Variants in VWA8 observed in about 807,000 individuals in gnomAD.
The protein encoded by VWA8 is von Willebrand factor A domain-containing protein 8.
In VWA8, 221 loss-of-function variants were observed where a neutral mutation model predicts 241.5. That is an observed-to-expected ratio of 0.91 (90% CI 0.82 to 1.02). VWA8 has a LOEUF of 1.02. Among genes scored for constraint, VWA8 ranks in the 50% least tolerant of loss-of-function variants. The probability of loss-of-function intolerance (pLI) is 0.00; values close to 1 mark genes in which losing one functional copy is unlikely to be tolerated. For synonymous variants in VWA8, 852 were observed against 827.1 expected (o/e 1.03, Z -0.52); for missense variants, 2,322 against 2,328.7 (o/e 1.00, Z 0.06).
At chr13:41,885,642 C>T (rs1000586655) in intron 8 of VWA8, among the ~76,000 whole-genome samples, 1 of 152,192 alleles carries the variant, frequency 6.6e-6, no homozygotes, top group Non-Finnish European at 1.5e-5. Context: ...CTGCAGCACA[C>T]CTCTTACTTG....
chr13:41,589,420 C>T (rs2044440194), intron 41 of VWA8, among the ~76,000 whole-genome samples: 1 of 149,528 alleles, frequency 6.7e-6, no homozygotes, highest in Non-Finnish European at 1.5e-5. Context: ...GCTTAATAGA[C>T]ACACCAGGTG....
intron 12 of VWA8, among the ~76,000 whole-genome samples, chr13:41,838,639 T>C (rs73185310): frequency 0.012 from 1,871 of 152,194 alleles, 13 homozygotes; most frequent in East Asian, 0.021. Flanking sequence ...CAAGGAAAAC[T>C]AAACAAGGAA....
At chr13:41,695,315 A>G (rs1298232331) in intron 29 of VWA8, among the ~76,000 whole-genome samples, 1 of 152,058 alleles carries the variant, frequency 6.6e-6, no homozygotes, top group Non-Finnish European at 1.5e-5. Flanking sequence ...CTTACTTAAG[A>G]TTTTATTTTA....
In VWA8 at chr13:41,919,555, G is replaced by A. The variant is rs558814732; in HGVS notation, c.242-7387C>T. ...TCCTGGAGGCTTTGCCATCACTGCAGCACAGCTACCTGGTAGCCCCCAATC... is the reference window on the plus strand; with the variant it reads ...TCCTGGAGGCTTTGCCATCACTGCAACACAGCTACCTGGTAGCCCCCAATC... On this transcript the variant is annotated intron_variant, in intron 2 of 44. Transcript: ENST00000379310. Among the ~76,000 whole-genome samples, 4 of 152,204 alleles carry A rather than the reference G, an allele frequency of 2.6e-5. No individual in the cohort carries two copies. In the East Asian group the frequency reaches 7.8e-4, roughly 30 times the overall value.
intron 17 of VWA8, among the ~76,000 whole-genome samples, chr13:41,800,810 A>C (rs11616704): frequency 0.15 from 22,505 of 150,256 alleles, 1,817 homozygotes; most frequent in Non-Finnish European, 0.19. Flanking sequence ...AAAAAAAAAA[A>C]CACCGTGTTT....
chr13:41,590,619 T>C, intron 41 of VWA8, 21 bp downstream of exon 41: 1 of 1,613,540 alleles, frequency 6.2e-7, no homozygotes, highest in Non-Finnish European at 8.5e-7. Context: ...GAGCTGAGGC[T>C]AGCAGTTCAC....
At chr13:41,690,432 C>G (rs552364411) in intron 32 of VWA8, among the ~76,000 whole-genome samples, 157 bp from the exon 33 acceptor site, 6 of 152,190 alleles carry the variant, frequency 3.9e-5, no homozygotes, top group African/African-American at 1.4e-4. Flanking sequence ...CAAATAACTT[C>G]TCAACACTGT....
intron 17 of VWA8, among the ~76,000 whole-genome samples, chr13:41,794,570 C>A (rs996933338): frequency 6.6e-6 from 1 of 152,188 alleles, no homozygotes; most frequent in Non-Finnish European, 1.5e-5. Flanking sequence ...AGGATCATGT[C>A]ATCTGTAAAC....
chr13:41,783,948 A>C, intron 18 of VWA8, 47 bp from the exon 19 acceptor site: 2 of 1,439,578 alleles, frequency 1.4e-6, no homozygotes, highest in Non-Finnish European at 1.9e-6. Context: ...CACTGTCCTC[A>C]GAGATGCCAA....
chr13:41,829,530 TACACAC>T (rs71096546), intron 14 of VWA8, among the ~76,000 whole-genome samples: 13,039 of 139,690 alleles, frequency 0.093, 695 homozygotes, highest in African/African-American at 0.15. Context: ...GGAAATGTGA[TACACAC>T]ACACACACAC....
intron 12 of VWA8, among the ~76,000 whole-genome samples, chr13:41,857,388 C>G (rs1232907912): frequency 1.3e-5 from 2 of 152,028 alleles, no homozygotes; most frequent in Non-Finnish European, 2.9e-5. Flanking sequence ...AGAGAAGCAT[C>G]CATATCATAT....
chr13:41,857,770 G>A (rs1352675456), intron 12 of VWA8, among the ~76,000 whole-genome samples: 1 of 152,102 alleles, frequency 6.6e-6, no homozygotes, highest in Non-Finnish European at 1.5e-5. Flanking sequence ...TTAATTTTAT[G>A]TGTCAACTTG....
intron 17 of VWA8, among the ~76,000 whole-genome samples, chr13:41,803,626 G>C (rs760932635): frequency 6.6e-6 from 1 of 152,132 alleles, no homozygotes; most frequent in Non-Finnish European, 1.5e-5. Context: ...ATCCGCCCCC[G>C]TGATTAATTA....
At chr13:41,685,803 G>C (rs1435291348) in intron 34 of VWA8, among the ~76,000 whole-genome samples, 1 of 151,986 alleles carries the variant, frequency 6.6e-6, no homozygotes, top group Non-Finnish European at 1.5e-5. Flanking sequence ...AAGTGATTGG[G>C]CCCCTTCCCA....
At chr13:41,829,481 G>A (rs540544043) in intron 14 of VWA8, among the ~76,000 whole-genome samples, 1 of 147,708 alleles carries the variant, frequency 6.8e-6, no homozygotes, top group Admixed American at 6.8e-5. Context: ...GCAAAGATAT[G>A]GAACCAACCT....
chr13:41,864,695 G>A, intron 12 of VWA8: 1 of 399,352 alleles, frequency 2.5e-6, no homozygotes. Flanking sequence ...GAGAGCTACT[G>A]TTTAATGAGT....
intron 4 of VWA8, among the ~76,000 whole-genome samples, 186 bp from the exon 5 acceptor site, chr13:41,891,773 T>A (rs1481584031): frequency 2.0e-5 from 3 of 152,216 alleles, no homozygotes; most frequent in Admixed American, 2.0e-4. Flanking sequence ...TTTACCTCTT[T>A]GGGCCTGTTT....
chr13:41,675,201 G>A lies in VWA8; in HGVS notation c.4409+14C>T, dbSNP rs760661881. 3 of 1,593,368 alleles carry A rather than the reference G, an allele frequency of 1.9e-6. No individual in the cohort carries two copies. Among genetic ancestry groups the A allele is most frequent in the African/African-American group, 2.7e-5 (2 of 74,416 alleles). On this transcript the variant is annotated intron_variant, in intron 36 of 44. Transcript: ENST00000379310. The stretch of plus-strand genomic sequence containing the variant: ...ATGACATACTAAGCTAAGAACAAAG[G>A]TGAAATGGATTACCTGGGAATAGGG...
intron 26 of VWA8, among the ~76,000 whole-genome samples, chr13:41,713,729 T>C (rs986961179): frequency 3.3e-5 from 5 of 152,192 alleles, no homozygotes; most frequent in African/African-American, 1.2e-4. Flanking sequence ...CTGATACTAA[T>C]GTTTTTAATC....
Sources: allele counts gnomAD v4.1 joint callset (sites outside exome capture counted in the v4.1 genomes callset), GRCh38; gene constraint gnomAD v4.1.1; transcripts MANE v1.5; gene names NCBI Gene and HGNC (gene_info 2026-07-23, HGNC 2026-07-21).